Variants in SOX5 observed in about 807,000 individuals in gnomAD.
SOX5 encodes the protein SRY-box transcription factor 5.
SOX5 carries 9 observed loss-of-function variants against 92.0 expected under a neutral mutation model. That is an observed-to-expected ratio of 0.10 (90% CI 0.06 to 0.17). The LOEUF (loss-of-function observed/expected upper bound fraction) is 0.17, where lower values mean the gene tolerates loss of function less well. Ranked by LOEUF, SOX5 falls within the 10% of genes least tolerant of loss-of-function variation. SOX5 has a pLI of 1.00. For synonymous variants in SOX5, 344 were observed against 336.3 expected (o/e 1.02, Z -0.25); for missense variants, 642 against 944.5 (o/e 0.68, Z 4.20).
At chr12:23,605,011 G>T (rs914128933) in intron 8 of SOX5, among the ~76,000 whole-genome samples, 1 of 133,072 alleles carries the variant, frequency 7.5e-6, no homozygotes, top group Admixed American at 7.7e-5. Flanking sequence ...TAGAAGTACA[G>T]AAAAGGCACT....
intron 1 of SOX5, among the ~76,000 whole-genome samples, chr12:24,523,427 C>A (rs918007076): frequency 6.6e-6 from 1 of 151,984 alleles, no homozygotes; most frequent in African/African-American, 2.4e-5. Flanking sequence ...GCTCAAATGG[C>A]CAAATCAATT....
intron 3 of SOX5, among the ~76,000 whole-genome samples, chr12:23,818,741 A>G (rs2096050253): frequency 6.6e-6 from 1 of 152,160 alleles, no homozygotes; most frequent in African/African-American, 2.4e-5. Context: ...ACAAAAACAT[A>G]TTATTTCCTT....
At chr12:23,604,016 A>C (rs1297671170) in intron 9 of SOX5, 1 of 165,502 alleles carries the variant, frequency 6.0e-6, no homozygotes, top group African/African-American at 2.4e-5. Context: ...TATAACTTCC[A>C]ATGTACTTTA....
At chr12:24,052,595 T>C in intron 4 of SOX5, among the ~76,000 whole-genome samples, 1 of 152,214 alleles carries the variant, frequency 6.6e-6, no homozygotes, top group East Asian at 1.9e-4. Context: ...TTGAAAGCAG[T>C]TAGTGTTGTC....
chr12:24,101,297 G>C (rs12302052), intron 4 of SOX5, among the ~76,000 whole-genome samples: 7,835 of 152,072 alleles, frequency 0.052, 555 homozygotes, highest in African/African-American at 0.16. Flanking sequence ...CTATGATCAC[G>C]TCCAAGACAT....
chr12:24,384,779 C>T (rs1459213055), intron 1 of SOX5, among the ~76,000 whole-genome samples: 1 of 152,096 alleles, frequency 6.6e-6, no homozygotes, highest in Non-Finnish European at 1.5e-5. Flanking sequence ...TGTGTTGCCC[C>T]TCAAAGTATT....
intron 2 of SOX5, among the ~76,000 whole-genome samples, chr12:24,323,796 T>G (rs1429994545): frequency 6.6e-6 from 1 of 152,092 alleles, no homozygotes; most frequent in Non-Finnish European, 1.5e-5. Context: ...CTGGTTTTAA[T>G]TTTTTTGGTG....
At chr12:24,155,783 T>C (rs11047284) in intron 4 of SOX5, among the ~76,000 whole-genome samples, 22,376 of 152,088 alleles carry the variant, frequency 0.15, 1,907 homozygotes, top group African/African-American at 0.22. Flanking sequence ...GGAGAGAAAG[T>C]ACATGGTTAA....
intron 4 of SOX5, among the ~76,000 whole-genome samples, chr12:24,166,982 G>A (rs1231983490): frequency 6.6e-6 from 1 of 152,156 alleles, no homozygotes; most frequent in Non-Finnish European, 1.5e-5. Flanking sequence ...GGGTTAGTGA[G>A]TGAATACAAA....
chr12:24,216,072 CAG>C (rs1185647375), intron 3 of SOX5, among the ~76,000 whole-genome samples: 1 of 152,194 alleles, frequency 6.6e-6, no homozygotes, highest in Non-Finnish European at 1.5e-5. Context: ...GTTCCTGGCA[CAG>C]AGTTTCAGAA....
chr12:23,943,058 A>G (rs1177676030), intron 1 of SOX5, among the ~76,000 whole-genome samples: 1 of 152,056 alleles, frequency 6.6e-6, no homozygotes, highest in Non-Finnish European at 1.5e-5. Context: ...GTTAGTAGCC[A>G]AATTATTTTT....
intron 2 of SOX5, among the ~76,000 whole-genome samples, chr12:24,293,892 T>A (rs1025863928): frequency 6.6e-6 from 1 of 152,230 alleles, no homozygotes; most frequent in East Asian, 1.9e-4. Context: ...CTAGTTTATA[T>A]CTTTTGATTG....
At chr12:24,302,503 A>G (rs1658709876) in intron 2 of SOX5, among the ~76,000 whole-genome samples, 1 of 152,148 alleles carries the variant, frequency 6.6e-6, no homozygotes, top group Non-Finnish European at 1.5e-5. Flanking sequence ...CATACAAAAC[A>G]TGGGAAAAGC....
At chr12:24,298,159 T>C (rs757519949) in intron 2 of SOX5, among the ~76,000 whole-genome samples, 3 of 152,112 alleles carry the variant, frequency 2.0e-5, no homozygotes, top group African/African-American at 4.8e-5. Flanking sequence ...AGCAACCTCC[T>C]GGTTTCAAGC....
intron 14 of SOX5, among the ~76,000 whole-genome samples, chr12:23,536,082 TTTGTA>T (rs1228074056): frequency 7.5e-4 from 114 of 152,338 alleles, no homozygotes; most frequent in African/African-American, 2.5e-3. Context: ...TGATTTTTAT[TTTGTA>T]TTGTCTCAAC....
chr12:23,854,793 T>C (rs529048901), intron 2 of SOX5, among the ~76,000 whole-genome samples: 9 of 152,204 alleles, frequency 5.9e-5, no homozygotes, highest in Non-Finnish European at 1.2e-4. Context: ...TCAATCCTTG[T>C]ATGCCTCAAT....
At chr12:24,055,277 T>C (rs1051317776) in intron 4 of SOX5, among the ~76,000 whole-genome samples, 1 of 152,210 alleles carries the variant, frequency 6.6e-6, no homozygotes, top group South Asian at 2.1e-4. Context: ...TACTGATTCA[T>C]GCCAGTGACT....
chr12:23,709,535 G>A (rs1049826454), intron 6 of SOX5, among the ~76,000 whole-genome samples: 4 of 152,148 alleles, frequency 2.6e-5, no homozygotes, highest in African/African-American at 7.2e-5. Flanking sequence ...GTATTAACAA[G>A]TACCCTCAGA....
At chr12:23,873,777 G>T (rs1184690027) in intron 2 of SOX5, among the ~76,000 whole-genome samples, 1 of 152,188 alleles carries the variant, frequency 6.6e-6, no homozygotes, top group Non-Finnish European at 1.5e-5. Context: ...GTGAAAAGGG[G>T]TATATAAAGA....
Sources: gnomAD v4.1 joint callset for allele counts (sites outside exome capture counted in the v4.1 genomes callset) on GRCh38, gnomAD v4.1.1 for gene constraint, MANE v1.5 for transcripts, NCBI Gene and HGNC (gene_info 2026-07-23, HGNC 2026-07-21) for gene names.